The following RSPO2 variants were observed in gnomAD, a reference collection of about 807,000 sequenced individuals.
RSPO2 encodes R-spondin-2.
Under a neutral mutation model 30.9 loss-of-function variants are expected in RSPO2, and 14 were observed. That is an observed-to-expected ratio of 0.45 (90% CI 0.30 to 0.71). The LOEUF is 0.71. Ranked by LOEUF, RSPO2 falls within the 30% of genes least tolerant of loss-of-function variation. The pLI, the probability that RSPO2 is intolerant of heterozygous loss-of-function variation, is 0.08. For synonymous variants in RSPO2, 107 were observed against 96.4 expected (o/e 1.11, Z -0.64); for missense variants, 264 against 301.9 (o/e 0.87, Z 0.93).
At chr8:107,978,071 T>C (rs1455383501) in intron 3 of RSPO2, among the ~76,000 whole-genome samples, 1 of 152,068 alleles carries the variant, frequency 6.6e-6, no homozygotes, top group Non-Finnish European at 1.5e-5. Context: ...TCAATAATAA[T>C]ATCCAATAAT....
At chr8:108,079,632 C>T (rs1813124257) in intron 2 of RSPO2, among the ~76,000 whole-genome samples, 1 of 150,374 alleles carries the variant, frequency 6.7e-6, no homozygotes, top group African/African-American at 2.5e-5. Flanking sequence ...GCAGACTAAA[C>T]ATAATGCCAA....
At chr8:108,036,319 A>G (rs1811592536) in intron 2 of RSPO2, among the ~76,000 whole-genome samples, 1 of 152,248 alleles carries the variant, frequency 6.6e-6, no homozygotes, top group South Asian at 2.1e-4. Flanking sequence ...ATGGAGCAGC[A>G]AAGCCTGGAT....
At chr8:107,933,312 C>CA (rs1261205885) in intron 5 of RSPO2, among the ~76,000 whole-genome samples, 1 of 152,064 alleles carries the variant, frequency 6.6e-6, no homozygotes, top group African/African-American at 2.4e-5. Context: ...TAAAAGAACA[C>CA]AAAAATAGTC....
At chr8:107,959,023 A>G (rs189475793) in intron 4 of RSPO2, among the ~76,000 whole-genome samples, 3 of 152,220 alleles carry the variant, frequency 2.0e-5, no homozygotes, top group Non-Finnish European at 4.4e-5. Context: ...GTAATTTTTA[A>G]AAGAGTCAAC....
chr8:108,045,924 G>T (rs979641719), intron 2 of RSPO2, among the ~76,000 whole-genome samples: 3 of 152,086 alleles, frequency 2.0e-5, no homozygotes, highest in Admixed American at 2.0e-4. Context: ...CTACTTTTTA[G>T]GTCTTTTCCT....
chr8:108,033,802 T>C (rs1811506037), intron 2 of RSPO2, among the ~76,000 whole-genome samples: 1 of 152,144 alleles, frequency 6.6e-6, no homozygotes, highest in African/African-American at 2.4e-5. Flanking sequence ...TGGCCATGTG[T>C]GGAAAGAAAG....
intron 5 of RSPO2, among the ~76,000 whole-genome samples, chr8:107,945,876 T>C (rs1319512727): frequency 6.6e-6 from 1 of 152,204 alleles, no homozygotes; most frequent in Non-Finnish European, 1.5e-5. Flanking sequence ...CTTCCTGCCA[T>C]TTTTAAAATT....
intron 2 of RSPO2, among the ~76,000 whole-genome samples, chr8:108,014,762 C>T (rs201896819): frequency 2.0e-5 from 3 of 150,612 alleles, no homozygotes; most frequent in Admixed American, 6.6e-5. Flanking sequence ...GGTTGATGAG[C>T]GCAGCAAACC....
At chr8:108,016,080 G>A (rs994288825) in intron 2 of RSPO2, among the ~76,000 whole-genome samples, 2 of 152,182 alleles carry the variant, frequency 1.3e-5, no homozygotes, top group African/African-American at 4.8e-5. Flanking sequence ...TGCACGTCCT[G>A]AGGTTGAAAG....
chr8:108,031,518 CA>C (rs1811421368), intron 2 of RSPO2, among the ~76,000 whole-genome samples: 1 of 152,092 alleles, frequency 6.6e-6, no homozygotes, highest in Non-Finnish European at 1.5e-5. Flanking sequence ...TTTACGTTTG[CA>C]AAAGCTCTTT....
chr8:107,940,240 G>C (rs1371862870), intron 5 of RSPO2, among the ~76,000 whole-genome samples: 2 of 151,940 alleles, frequency 1.3e-5, no homozygotes, highest in East Asian at 3.9e-4. Flanking sequence ...ATAAAGTGTT[G>C]GATTTTGCCT....
intron 5 of RSPO2, among the ~76,000 whole-genome samples, chr8:107,954,249 G>A (rs1331765465): frequency 6.6e-6 from 1 of 152,154 alleles, no homozygotes; most frequent in African/African-American, 2.4e-5. Context: ...TCTTGTACAT[G>A]AACATCCTCC....
chr8:107,985,339 G>A (rs1049118790), intron 3 of RSPO2, among the ~76,000 whole-genome samples: 6 of 152,038 alleles, frequency 3.9e-5, no homozygotes, highest in African/African-American at 1.4e-4. Context: ...GTATGAGAGA[G>A]CAAGAATTTA....
chr8:108,039,183 AT>A (rs1811683095), intron 2 of RSPO2, among the ~76,000 whole-genome samples: 1 of 152,126 alleles, frequency 6.6e-6, no homozygotes. Context: ...TAGATCAGTG[AT>A]TCTCATCTTC....
intron 5 of RSPO2, among the ~76,000 whole-genome samples, chr8:107,914,353 G>C (rs1176517754): frequency 6.6e-6 from 1 of 151,756 alleles, no homozygotes; most frequent in Non-Finnish European, 1.5e-5. Context: ...TAAGGCAGCA[G>C]ATCCAAATAA....
chr8:108,078,096 T>C (rs1813070117), intron 2 of RSPO2, among the ~76,000 whole-genome samples: 1 of 152,216 alleles, frequency 6.6e-6, no homozygotes, highest in South Asian at 2.1e-4. Context: ...GAAGTGTCAT[T>C]TCCAACTTGT....
chr8:107,982,804 C>T (rs1814492235), intron 3 of RSPO2, among the ~76,000 whole-genome samples: 1 of 152,178 alleles, frequency 6.6e-6, no homozygotes, highest in Non-Finnish European at 1.5e-5. Context: ...TCCCATTCTG[C>T]TTCTGGGACA....
At chr8:108,028,130 A>G (rs1183405711) in intron 2 of RSPO2, among the ~76,000 whole-genome samples, 2 of 152,132 alleles carry the variant, frequency 1.3e-5, no homozygotes, top group African/African-American at 2.4e-5. Context: ...GATCTTCACT[A>G]CTGATACCCA....
intron 5 of RSPO2, among the ~76,000 whole-genome samples, chr8:107,925,411 A>T (rs748368375): frequency 4.6e-5 from 7 of 151,144 alleles, no homozygotes; most frequent in East Asian, 1.9e-4. Flanking sequence ...ATTTATATAT[A>T]TTTTTTATTA....
Sources: gnomAD v4.1 joint callset for allele counts (sites outside exome capture counted in the v4.1 genomes callset) on GRCh38, gnomAD v4.1.1 for gene constraint, MANE v1.5 for transcripts, NCBI Gene and HGNC (gene_info 2026-07-23, HGNC 2026-07-21) for gene names.